The following IL36G variants were observed in gnomAD, a reference collection of about 807,000 sequenced individuals.
IL36G encodes interleukin 36 gamma.
In IL36G, 10 loss-of-function variants were observed where a neutral mutation model predicts 13.5. The observed-to-expected ratio is 0.74, with a 90% CI of 0.46 to 1.26. The LOEUF (loss-of-function observed/expected upper bound fraction) is 1.26, where lower values mean the gene tolerates loss of function less well. Ranked by LOEUF, IL36G falls within the 50% of genes most tolerant of loss-of-function variation. IL36G has a pLI of 0.00. For synonymous variants in IL36G, 84 were observed against 74.0 expected (o/e 1.13, Z -0.69); for missense variants, 199 against 203.0 (o/e 0.98, Z 0.12).
chr2:112,984,501 G>A (rs1028258055), intron 4 of IL36G, among the ~76,000 whole-genome samples: 3 of 152,170 alleles, frequency 2.0e-5, no homozygotes, highest in East Asian at 1.9e-4. Context: ...GTATTGGTAA[G>A]GGAGGTAATT....
At position 112,985,020 on chromosome 2, in the gene IL36G, A is replaced by G. The variant is rs1191168706; in HGVS notation, c.481A>G (p.Thr161Ala). ...TTCAGAACTTGGGAAGTCATACAAC[A>G]CTGCCTTTGAATTAAATATAAATGA... ...LTSELGKSYN[T>A]AFELNIND The change falls in exon 5 of 5, where the codon ACT becomes GCT. Residue 161 changes from threonine to alanine, a missense_variant. Physicochemically the swap from Thr to Ala is moderately conservative, Grantham distance 58 (BLOSUM62 0). Transcript: ENST00000259205. 2 of 1,613,766 alleles carry G rather than the reference A, an allele frequency of 1.2e-6. No homozygotes were observed. Among genetic ancestry groups the G allele is most frequent in the African/African-American group, 2.7e-5 (2 of 74,894 alleles).
rs1684327403 is a variant in IL36G at position 112,984,975 on chromosome 2, G to T, written c.436G>T (p.Asp146Tyr). ...CTGGTTCATTGCCTCCTCCAAGAGA[G>T]ACCAGCCCATCATTCTGACTTCAGA... ...PDWFIASSKR[D>Y]QPIILTSELG... The change falls in exon 5 of 5, where the codon GAC becomes TAC. Residue 146 changes from aspartate (D) to tyrosine (Y), a missense_variant. Coordinates refer to ENST00000259205, the MANE Select transcript of IL36G (RefSeq NM_019618.4). 1 of 1,613,994 alleles carries T rather than the reference G, an allele frequency of 6.2e-7. No individual in the cohort carries two copies. Among genetic ancestry groups the T allele is most frequent in the Admixed American group, 1.7e-5 (1 of 59,988 alleles).
intron 4 of IL36G, chr2:112,981,244 C>G: frequency 7.1e-7 from 1 of 1,405,008 alleles, no homozygotes; most frequent in Non-Finnish European, 1.0e-6. Context: ...TATTCCCCTC[C>G]TTGCCAGCAT....
At chr2:112,983,045 G>C (rs1015042506) in intron 4 of IL36G, among the ~76,000 whole-genome samples, 2 of 152,200 alleles carry the variant, frequency 1.3e-5, no homozygotes, top group Admixed American at 6.5e-5. Context: ...AGAGAGCAGG[G>C]AGAACGGCTA....
At chr2:112,983,434 A>T (rs2105013815) in intron 4 of IL36G, among the ~76,000 whole-genome samples, 1 of 152,318 alleles carries the variant, frequency 6.6e-6, no homozygotes, top group Non-Finnish European at 1.5e-5. Flanking sequence ...CAGGAATATG[A>T]TCGCAATGAG....
chr2:112,985,193 G>T lies in IL36G; in HGVS notation c.*144G>T. Reference sequence around the variant, plus strand: ...TGTTATCATCTCATTTTATAATGAAGAAGAAGCAATTACTTCATAGCAACT... The same window carrying T: ...TGTTATCATCTCATTTTATAATGAATAAGAAGCAATTACTTCATAGCAACT... On this transcript the variant is annotated 3_prime_UTR_variant, in exon 5 of 5. Transcript: ENST00000259205. The T allele has an allele frequency of 3.2e-6, 2 of 630,942 alleles. No individual in the cohort carries two copies. Among genetic ancestry groups the T allele is most frequent in the Non-Finnish European group, 2.7e-6 (1 of 363,854 alleles). 39.1% of individuals were successfully genotyped at this position (630,942 alleles called of 1,614,324 possible). A position where few individuals can be genotyped will look rare whatever the true frequency, so the allele number is the denominator to read the frequency against.
At chr2:112,979,507 A>G (rs893658222) in intron 3 of IL36G, among the ~76,000 whole-genome samples, 182 bp downstream of exon 3, 1 of 152,188 alleles carries the variant, frequency 6.6e-6, no homozygotes, top group Admixed American at 6.5e-5. Context: ...GAAGCCAGAG[A>G]TGGTGGAGGA....
At chr2:112,983,881 A>G (rs1032797666) in intron 4 of IL36G, among the ~76,000 whole-genome samples, 3 of 152,192 alleles carry the variant, frequency 2.0e-5, no homozygotes, top group Non-Finnish European at 2.9e-5. Context: ...TTAGAAGGTC[A>G]CCCTAATTGT....
At chr2:112,978,800 C>A in intron 2 of IL36G, 107 bp downstream of exon 2, 1 of 1,116,312 alleles carries the variant, frequency 9.0e-7, no homozygotes, top group East Asian at 2.4e-5. Context: ...GTACACTGCC[C>A]TTCCCACCTG....
At chr2:112,981,356 T>G in intron 4 of IL36G, 1 of 759,290 alleles carries the variant, frequency 1.3e-6, no homozygotes, top group South Asian at 1.4e-5. Flanking sequence ...AGCAGACAAC[T>G]TTGCGGGCCT....
chr2:112,983,432 T>G (rs1245003355), intron 4 of IL36G, among the ~76,000 whole-genome samples: 1 of 152,130 alleles, frequency 6.6e-6, no homozygotes, highest in African/African-American at 2.4e-5. Context: ...CTCAGGAATA[T>G]GATCGCAATG....
chr2:112,978,762 G>A, intron 2 of IL36G, 69 bp downstream of exon 2: 2 of 1,468,716 alleles, frequency 1.4e-6, no homozygotes, highest in South Asian at 2.3e-5. Flanking sequence ...ATCTCCTGTG[G>A]AAGCCCCAGC....
In IL36G at chr2:112,984,999, G is replaced by A; in HGVS notation, c.460G>A (p.Glu154Lys). 6.2e-7 allele frequency: 1 copy of A among 1,614,050 alleles called. No homozygotes were observed. The highest frequency in any genetic ancestry group is 1.7e-4 in the Middle Eastern group (1 of 6,060). The change falls in exon 5 of 5, where the codon GAA becomes AAA. Residue 154 changes from glutamate to lysine, a missense_variant. Physicochemically the swap from Glu to Lys is moderately conservative, Grantham distance 56. Transcript: ENST00000259205. The stretch of plus-strand genomic sequence containing the variant: ...AGACCAGCCCATCATTCTGACTTCA[G>A]AACTTGGGAAGTCATACAACACTGC... ...KRDQPIILTS[E>K]LGKSYNTAFE...
chr2:112,978,249 C>T (rs1684199967), intron 1 of IL36G, among the ~76,000 whole-genome samples, 171 bp downstream of exon 1: 1 of 152,172 alleles, frequency 6.6e-6, no homozygotes, highest in Admixed American at 6.5e-5. Context: ...GTGGCCCTGG[C>T]ATGGGACCCT....
At chr2:112,978,786 C>T in intron 2 of IL36G, 93 bp downstream of exon 2, 1 of 1,232,090 alleles carries the variant, frequency 8.1e-7, no homozygotes, top group Middle Eastern at 2.6e-4. Flanking sequence ...CTCTGCTCCT[C>T]TCTGTACACT....
intron 2 of IL36G, 127 bp downstream of exon 2, chr2:112,978,820 A>AGTGGTAGGTGGGCAG: frequency 1.1e-6 from 1 of 906,532 alleles, no homozygotes; most frequent in Non-Finnish European, 1.8e-6. Context: ...GGTGCTGCCC[A>AGTGGTAGGTGGGCAG]CCTACCACTG....
chr2:112,982,039 T>C (rs1051164612), intron 4 of IL36G, among the ~76,000 whole-genome samples: 2 of 152,184 alleles, frequency 1.3e-5, no homozygotes, highest in Non-Finnish European at 2.9e-5. Context: ...ACCCTGACCA[T>C]GTGGGGCTTG....
intron 4 of IL36G, among the ~76,000 whole-genome samples, chr2:112,983,405 A>G (rs1219931725): frequency 1.3e-5 from 2 of 152,212 alleles, no homozygotes. Context: ...AGCAGTTGGT[A>G]CTAATGAAGA....
chr2:112,984,289 C>G (rs1684313199), intron 4 of IL36G, among the ~76,000 whole-genome samples: 1 of 152,210 alleles, frequency 6.6e-6, no homozygotes, highest in African/African-American at 2.4e-5. Flanking sequence ...GTTCCATATA[C>G]AATATAGAAG....
Sources: allele counts gnomAD v4.1 joint callset (sites outside exome capture counted in the v4.1 genomes callset), GRCh38; gene constraint gnomAD v4.1.1; transcripts MANE v1.5; gene names NCBI Gene and HGNC (gene_info 2026-07-23, HGNC 2026-07-21).